Variants in ADGRL2 observed in about 807,000 individuals in gnomAD.
ADGRL2 encodes calcium-independent alpha-latrotoxin receptor 2.
Under a neutral mutation model 157.4 loss-of-function variants are expected in ADGRL2, and 44 were observed. That is an observed-to-expected ratio of 0.28 (90% CI 0.22 to 0.36). The LOEUF (loss-of-function observed/expected upper bound fraction) is 0.36. Among genes scored for constraint, ADGRL2 ranks in the 10% least tolerant of loss-of-function variants. The probability of loss-of-function intolerance (pLI) is 1.00; values close to 1 mark genes in which losing one functional copy is unlikely to be tolerated. For missense variants in ADGRL2, 1,510 were observed against 1,768.9 expected, an observed-to-expected ratio of 0.85 and a Z score of 2.63; for synonymous variants, 585 against 624.7, an observed-to-expected ratio of 0.94 and a Z score of 0.95.
At chr1:81,679,524 G>A (rs1291669753) in intron 3 of ADGRL2, among the ~76,000 whole-genome samples, 1 of 152,112 alleles carries the variant, frequency 6.6e-6, no homozygotes, top group African/African-American at 2.4e-5. Context: ...ACCTCAAAGT[G>A]TTGAGCTGAG....
intron 1 of ADGRL2, among the ~76,000 whole-genome samples, chr1:81,730,550 C>T (rs919978132): frequency 4.6e-5 from 7 of 151,926 alleles, no homozygotes; most frequent in African/African-American, 1.7e-4. Flanking sequence ...TGGTGAAACC[C>T]CATCTCTACT....
rs916778992 is a variant in ADGRL2, at chr1:81,645,415, A to T, written c.-143+64435A>T. 4.6e-5 allele frequency among the ~76,000 whole-genome samples: 7 copies of T among 151,432 alleles called. 1 individual carries two copies. In the South Asian group the frequency reaches 8.3e-4, roughly 18 times the overall value. The stretch of plus-strand genomic sequence containing the variant: ...CTGTCTCAAAAAAAAAAAAAAAAAA[A>T]AAAATTAAATTAAATGCACGAGTAC... On this transcript the variant is annotated intron_variant, in intron 3 of 24. Coordinates refer to the ADGRL2 transcript ENST00000370721.
chr1:81,974,295 G>A lies in ADGRL2; in HGVS notation c.3021+2377G>A, dbSNP rs1282676447. Among the ~76,000 whole-genome samples, 20 of 152,174 alleles carry A rather than the reference G, an allele frequency of 1.3e-4. 1 individual carries two copies. Among genetic ancestry groups the A allele is most frequent in the Admixed American group, 1.3e-3 (20 of 15,272 alleles). ...AAAGTGCTGGTAAGTAATGAGCAGTGGGAAACCATTAGTATGCCTGAAATG... is the reference window on the plus strand; with the variant it reads ...AAAGTGCTGGTAAGTAATGAGCAGTAGGAAACCATTAGTATGCCTGAAATG... On this transcript the variant is annotated intron_variant, in intron 17 of 23. Transcript: ENST00000686636.
intron 3 of ADGRL2, among the ~76,000 whole-genome samples, chr1:81,624,644 G>C (rs1300641822): frequency 6.6e-6 from 1 of 152,132 alleles, no homozygotes; most frequent in Non-Finnish European, 1.5e-5. Flanking sequence ...ACTGGTCAGA[G>C]ATAGAGATGT....
chr1:81,585,864 A>AACAC (rs139972667), intron 3 of ADGRL2: 4 of 150,648 alleles, frequency 2.7e-5, no homozygotes, highest in Non-Finnish European at 4.4e-5. Context: ...AAATGCACAC[A>AACAC]ACACACACAC....
intron 2 of ADGRL2, among the ~76,000 whole-genome samples, chr1:81,490,001 T>G (rs12094965): frequency 0.15 from 22,191 of 145,832 alleles, 2,991 homozygotes; most frequent in African/African-American, 0.38. Flanking sequence ...ATATAGTAAC[T>G]GAAAGCCATA....
At chr1:81,817,896 G>A (rs2090573356) in intron 1 of ADGRL2, among the ~76,000 whole-genome samples, 1 of 152,050 alleles carries the variant, frequency 6.6e-6, no homozygotes, top group Non-Finnish European at 1.5e-5. Flanking sequence ...CAAGTGCGGT[G>A]TCTCATGCTT....
chr1:81,747,723 GTGTGTGT>G (rs2085348286), intron 1 of ADGRL2, among the ~76,000 whole-genome samples: 3 of 152,014 alleles, frequency 2.0e-5, no homozygotes, highest in South Asian at 4.2e-4. Context: ...GTGTGTGTGT[GTGTGTGT>G]GTGTGTAAGA....
At chr1:81,897,382 G>A (rs12404217) in intron 2 of ADGRL2, among the ~76,000 whole-genome samples, 8 of 151,808 alleles carry the variant, frequency 5.3e-5, no homozygotes, top group Admixed American at 5.3e-4. Context: ...ATCTCTTTGT[G>A]GCATATATTA....
chr1:81,654,641 T>A (rs891930857), intron 3 of ADGRL2, among the ~76,000 whole-genome samples: 1 of 152,236 alleles, frequency 6.6e-6, no homozygotes, highest in African/African-American at 2.4e-5. Context: ...ACTCTTCCTC[T>A]GCTTCATCGT....
At chr1:81,425,846 C>G (rs940110660) in intron 1 of ADGRL2, among the ~76,000 whole-genome samples, 3 of 148,378 alleles carry the variant, frequency 2.0e-5, no homozygotes, top group Non-Finnish European at 4.5e-5. Context: ...GACAGCTTAA[C>G]AAAAGAAAAT....
At chr1:81,331,006 T>C (rs915664195) in intron 1 of ADGRL2, among the ~76,000 whole-genome samples, 1 of 152,220 alleles carries the variant, frequency 6.6e-6, no homozygotes, top group African/African-American at 2.4e-5. Flanking sequence ...GCTGGAACCA[T>C]GTCTTAAACA....
At chr1:81,650,571 T>C (rs1416485971) in intron 3 of ADGRL2, among the ~76,000 whole-genome samples, 3 of 120,672 alleles carry the variant, frequency 2.5e-5, no homozygotes, top group Admixed American at 9.8e-5. Flanking sequence ...TGAGACTCCA[T>C]CTCAAAAAAA....
intron 1 of ADGRL2, among the ~76,000 whole-genome samples, chr1:81,319,294 A>G (rs1258251594): frequency 6.6e-6 from 1 of 152,158 alleles, no homozygotes; most frequent in Non-Finnish European, 1.5e-5. Context: ...TGTTTGAAAG[A>G]ATTTTAAAGC....
At position 81,836,947 on chromosome 1, in the gene ADGRL2, A is replaced by G. The variant is rs762966339; in HGVS notation, c.-38A>G. The G allele has an allele frequency of 3.2e-6, 4 of 1,262,836 alleles. No individual in the cohort carries two copies. The highest frequency in any genetic ancestry group is 2.6e-5 in the South Asian group (2 of 75,522). The allele number at this position is 1,262,836 out of a possible 1,614,324, so 78.2% of individuals were successfully genotyped here. A position where few individuals can be genotyped will look rare whatever the true frequency, so the allele number is the denominator to read the frequency against. On this transcript the variant is annotated 5_prime_UTR_variant, in exon 2 of 24. Transcript: ENST00000686636. ...AAGCTGGGCATTTATAACTAGATTC[A>G]TTAAGGAATACAAAGAAAATACTTA...
At chr1:81,523,131 G>T (rs1459796192) in intron 2 of ADGRL2, among the ~76,000 whole-genome samples, 7 of 152,074 alleles carry the variant, frequency 4.6e-5, no homozygotes. Context: ...AAAAACACTT[G>T]CATAGATAGA....
intron 3 of ADGRL2, among the ~76,000 whole-genome samples, chr1:81,651,045 A>G (rs1448654296): frequency 6.6e-6 from 1 of 152,216 alleles, no homozygotes; most frequent in African/African-American, 2.4e-5. Context: ...CCACATTTTC[A>G]TTAAAATTAC....
At chr1:81,837,652 T>C (rs920885611) in intron 2 of ADGRL2, among the ~76,000 whole-genome samples, 5 of 152,006 alleles carry the variant, frequency 3.3e-5, no homozygotes, top group African/African-American at 1.2e-4. Flanking sequence ...ATTTTTAAAA[T>C]CTAGGAATAG....
chr1:81,709,908 A>C (rs779501978), intron 1 of ADGRL2, among the ~76,000 whole-genome samples: 6 of 152,316 alleles, frequency 3.9e-5, no homozygotes, highest in Non-Finnish European at 8.8e-5. Context: ...TTGTTTGGCT[A>C]TCAGAGAAGG....
Sources: allele counts gnomAD v4.1 joint callset (sites outside exome capture counted in the v4.1 genomes callset), GRCh38; gene constraint gnomAD v4.1.1; transcripts MANE v1.5; gene names NCBI Gene and HGNC (gene_info 2026-07-23, HGNC 2026-07-21).